SRPK2: variants seen among roughly 807,000 people sequenced by gnomAD.
The protein encoded by SRPK2 is SRSF protein kinase 2, also known as SFRS protein kinase 2.
Under a neutral mutation model 90.8 loss-of-function variants are expected in SRPK2, and 21 were observed. The ratio of observed to expected loss-of-function variants is 0.23; its 90% CI spans 0.16 to 0.33. SRPK2 has a LOEUF of 0.33. Among genes scored for constraint, SRPK2 ranks in the 10% least tolerant of loss-of-function variants. SRPK2 has a pLI of 1.00. For missense variants in SRPK2, 620 were observed against 869.0 expected (o/e 0.71, Z 3.60); for synonymous variants, 288 against 311.1 (o/e 0.93, Z 0.78).
At chr7:105,355,516 T>C (rs551870730) in intron 2 of SRPK2, among the ~76,000 whole-genome samples, 5 of 151,950 alleles carry the variant, frequency 3.3e-5, no homozygotes, top group Admixed American at 6.6e-5. Context: ...TAGCCAGGCA[T>C]GGTGGAGCAC....
In SRPK2 at chr7:105,117,429, C is replaced by A. The variant is rs1717789750; in HGVS notation, c.*409G>T. ...AAAATTGTACATTTCCTTGCTATTT[C>A]TTGGTTCCAACTTGATAATTTCTTA... On this transcript the variant is annotated 3_prime_UTR_variant, in exon 16 of 16. Coordinates refer to ENST00000393651, the MANE Select transcript of SRPK2 (RefSeq NM_182692.3). 5.4e-6 allele frequency: 1 copy of A among 185,452 alleles called. No homozygotes were observed. Among genetic ancestry groups the A allele is most frequent in the Admixed American group, 6.1e-5 (1 of 16,476 alleles). 11.5% of individuals were successfully genotyped at this position (185,452 alleles called of 1,614,324 possible).
intron 3 of SRPK2, among the ~76,000 whole-genome samples, chr7:105,198,266 G>A (rs1795153033): frequency 6.6e-6 from 1 of 152,096 alleles, no homozygotes; most frequent in Non-Finnish European, 1.5e-5. Flanking sequence ...TGTTTACCAG[G>A]CACCCCCTAC....
chr7:105,376,553 G>A (rs1247369689), intron 2 of SRPK2, among the ~76,000 whole-genome samples: 5 of 149,322 alleles, frequency 3.3e-5, no homozygotes, highest in African/African-American at 1.2e-4. Flanking sequence ...TTTTGGTGAG[G>A]GGAGGGTATA....
intron 2 of SRPK2, among the ~76,000 whole-genome samples, chr7:105,313,272 C>A (rs542215443): frequency 1.4e-4 from 21 of 151,074 alleles, no homozygotes; most frequent in Non-Finnish European, 2.8e-4. Flanking sequence ...ATGGTAAAAC[C>A]CCATCTCTAC....
intron 15 of SRPK2, 64 bp from the exon 16 acceptor site, chr7:105,118,086 C>A: frequency 6.4e-7 from 1 of 1,566,178 alleles, no homozygotes; most frequent in Non-Finnish European, 8.7e-7. Context: ...ATTGTTGGTC[C>A]AGTCAGGTTC....
At chr7:105,157,420 C>A (rs146091912) in intron 7 of SRPK2, among the ~76,000 whole-genome samples, 1 of 152,238 alleles carries the variant, frequency 6.6e-6, no homozygotes, top group African/African-American at 2.4e-5. Context: ...CCTAGTACTA[C>A]CCGGGAGAAA....
chr7:105,322,456 T>C (rs1399669921), intron 2 of SRPK2, among the ~76,000 whole-genome samples: 1 of 152,134 alleles, frequency 6.6e-6, no homozygotes, highest in African/African-American at 2.4e-5. Context: ...AGAAACGTCA[T>C]GCAAAGTGAA....
chr7:105,327,217 T>C (rs2131625556), intron 2 of SRPK2, among the ~76,000 whole-genome samples: 1 of 125,398 alleles, frequency 8.0e-6, no homozygotes, highest in Non-Finnish European at 1.9e-5. Flanking sequence ...CATTTTTGTT[T>C]TAATGGTTGG....
chr7:105,182,316 C>T (rs73186007), intron 3 of SRPK2, among the ~76,000 whole-genome samples: 7 of 150,796 alleles, frequency 4.6e-5, no homozygotes, highest in African/African-American at 1.5e-4. Flanking sequence ...GATAGCATGA[C>T]GACAAGCACA....
chr7:105,175,052 G>T (rs1006636239), intron 3 of SRPK2, among the ~76,000 whole-genome samples: 3 of 151,828 alleles, frequency 2.0e-5, no homozygotes, highest in Non-Finnish European at 4.4e-5. Context: ...TGATGAGGCA[G>T]AATCTCTTGA....
intron 2 of SRPK2, among the ~76,000 whole-genome samples, chr7:105,353,812 A>T (rs1340912846): frequency 1.3e-5 from 2 of 152,204 alleles, no homozygotes; most frequent in Non-Finnish European, 2.9e-5. Context: ...AAGCTGGCAG[A>T]CTTTTTTAAT....
intron 2 of SRPK2, among the ~76,000 whole-genome samples, chr7:105,287,259 T>TAA (rs71520909): frequency 3.6e-4 from 21 of 58,302 alleles, no homozygotes; most frequent in African/African-American, 1.4e-3. Context: ...AGACTCCGTC[T>TAA]AAAAAAAAAA....
At chr7:105,160,040 ATAC>A (rs1807347103) in intron 7 of SRPK2, among the ~76,000 whole-genome samples, 1 of 152,218 alleles carries the variant, frequency 6.6e-6, no homozygotes, top group Non-Finnish European at 1.5e-5. Context: ...TATAGTCATC[ATAC>A]TGTCTATTAG....
At chr7:105,143,036 A>G in intron 10 of SRPK2, 48 bp downstream of exon 10, 1 of 1,593,782 alleles carries the variant, frequency 6.3e-7, no homozygotes, top group Non-Finnish European at 8.6e-7. Flanking sequence ...AACCCTACTA[A>G]TGGAGCTCTG....
intron 2 of SRPK2, among the ~76,000 whole-genome samples, chr7:105,312,455 C>A (rs115830795): frequency 0.041 from 1,576 of 38,472 alleles, 8 homozygotes; most frequent in Middle Eastern, 0.11. Flanking sequence ...AAAAAAAAAA[C>A]AAGCGGGGGT....
chr7:105,389,142 C>T (rs1357070879), upstream of SRPK2: 1 of 1,010,832 alleles, frequency 9.9e-7, no homozygotes, highest in Admixed American at 6.1e-5. Flanking sequence ...CGGCCCGGGC[C>T]TCCGCCTCCT....
chr7:105,276,468 T>C (rs924359010), intron 2 of SRPK2, among the ~76,000 whole-genome samples: 2 of 151,860 alleles, frequency 1.3e-5, no homozygotes, highest in African/African-American at 2.4e-5. Flanking sequence ...CTGGTCAAGG[T>C]GGCTCACACA....
intron 2 of SRPK2, among the ~76,000 whole-genome samples, chr7:105,243,493 G>T (rs576470057): frequency 1.9e-4 from 29 of 152,154 alleles, no homozygotes; most frequent in Non-Finnish European, 4.0e-4. Flanking sequence ...CCGACATGGT[G>T]AAACCCTCTC....
At chr7:105,375,030 A>G (rs1374569627) in intron 2 of SRPK2, among the ~76,000 whole-genome samples, 2 of 152,200 alleles carry the variant, frequency 1.3e-5, no homozygotes, top group Non-Finnish European at 2.9e-5. Context: ...AGGAAATATA[A>G]CAAAATATTA....
Sources: allele counts gnomAD v4.1 joint callset (sites outside exome capture counted in the v4.1 genomes callset), GRCh38; gene constraint gnomAD v4.1.1; transcripts MANE v1.5; gene names NCBI Gene and HGNC (gene_info 2026-07-23, HGNC 2026-07-21).